Variants in LPA observed in about 807,000 individuals in gnomAD.
LPA encodes lipoprotein(a).
LPA carries 199 observed loss-of-function variants against 197.9 expected under a neutral mutation model. The ratio of observed to expected loss-of-function variants is 1.01; its 90% CI spans 0.90 to 1.13. LPA has a LOEUF of 1.13. Among genes scored for constraint, LPA ranks in the 50% most tolerant of loss-of-function variants. The pLI is 0.00. For missense variants in LPA, 1,853 were observed against 1,785.8 expected (o/e 1.04, Z -0.68); for synonymous variants, 715 against 639.5 (o/e 1.12, Z -1.78).
chr6:160,559,298 T>C (rs6415084), intron 28 of LPA, among the ~76,000 whole-genome samples: 87,438 of 152,116 alleles, frequency 0.57, 25,635 homozygotes, highest in East Asian at 0.89. Context: ...ATACAGAATA[T>C]ACATGGCTTC....
intron 24 of LPA, among the ~76,000 whole-genome samples, chr6:160,588,761 G>A (rs1032651584): frequency 3.3e-5 from 5 of 152,026 alleles, no homozygotes; most frequent in Non-Finnish European, 7.4e-5. Flanking sequence ...TGGTCAGCTG[G>A]GCTCCATCTG....
chr6:160,558,065 G>T (rs560694853), intron 28 of LPA, among the ~76,000 whole-genome samples: 12 of 151,884 alleles, frequency 7.9e-5, no homozygotes, highest in African/African-American at 2.9e-4. Flanking sequence ...GACTACAGGC[G>T]CCCGCCACCA....
intron 28 of LPA, among the ~76,000 whole-genome samples, chr6:160,570,474 G>A (rs554391151): frequency 3.7e-4 from 57 of 152,234 alleles, no homozygotes; most frequent in Non-Finnish European, 6.0e-4. Context: ...ATCACACACC[G>A]GGGCCTGTCA....
At chr6:160,550,546 G>A (rs1279965179) in intron 30 of LPA, among the ~76,000 whole-genome samples, 1 of 152,194 alleles carries the variant, frequency 6.6e-6, no homozygotes, top group African/African-American at 2.4e-5. Context: ...ATATTTTCAT[G>A]TATAGTCAAA....
intron 26 of LPA, among the ~76,000 whole-genome samples, chr6:160,580,992 G>A (rs553124072): frequency 2.0e-4 from 31 of 151,478 alleles, no homozygotes; most frequent in African/African-American, 7.5e-4. Flanking sequence ...CCTTCTCCAA[G>A]GTTATAAGAT....
At chr6:160,649,178 T>C (rs1779959619) in intron 2 of LPA, among the ~76,000 whole-genome samples, 1 of 152,162 alleles carries the variant, frequency 6.6e-6, no homozygotes, top group African/African-American at 2.4e-5. Flanking sequence ...AAGTATGGCT[T>C]TTCCTGGGTC....
intron 1 of LPA, among the ~76,000 whole-genome samples, chr6:160,652,721 T>C (rs1249860747): frequency 6.6e-6 from 1 of 152,108 alleles, no homozygotes; most frequent in Non-Finnish European, 1.5e-5. Flanking sequence ...TTATGAGAGC[T>C]ATAACATAAT....
At chr6:160,603,298 G>T (rs977839753) in intron 18 of LPA, among the ~76,000 whole-genome samples, 1 of 151,756 alleles carries the variant, frequency 6.6e-6, no homozygotes, top group East Asian at 1.9e-4. Flanking sequence ...GTGAGTATGT[G>T]TGTATATGTG....
chr6:160,546,440 G>C (rs1778073028), intron 32 of LPA, among the ~76,000 whole-genome samples: 1 of 152,114 alleles, frequency 6.6e-6, no homozygotes, highest in South Asian at 2.1e-4. Flanking sequence ...CTGTTCACCA[G>C]GATCCTTTTT....
chr6:160,583,587 T>C (rs1778840161), intron 26 of LPA, among the ~76,000 whole-genome samples: 1 of 152,144 alleles, frequency 6.6e-6, no homozygotes, highest in African/African-American at 2.4e-5. Context: ...CAGCAGTTGT[T>C]CTTTCCCCAG....
chr6:160,582,640 T>G (rs574983431), intron 26 of LPA, among the ~76,000 whole-genome samples: 3 of 152,132 alleles, frequency 2.0e-5, no homozygotes, highest in Admixed American at 6.6e-5. Context: ...TATGGACAAT[T>G]TAATTATGAT....
At chr6:160,578,224 A>G (rs145606703) in intron 27 of LPA, among the ~76,000 whole-genome samples, 1 of 152,250 alleles carries the variant, frequency 6.6e-6, no homozygotes, top group East Asian at 1.9e-4. Flanking sequence ...AGGCTGTTAG[A>G]ATATCCATTT....
chr6:160,567,422 A>C (rs1778477274), intron 28 of LPA, among the ~76,000 whole-genome samples: 1 of 152,258 alleles, frequency 6.6e-6, no homozygotes, highest in African/African-American at 2.4e-5. Flanking sequence ...TGAAGGCAGA[A>C]ATAAAGATAT....
intron 2 of LPA, among the ~76,000 whole-genome samples, chr6:160,647,473 C>A (rs998939367): frequency 6.6e-6 from 1 of 152,196 alleles, no homozygotes; most frequent in African/African-American, 2.4e-5. Flanking sequence ...GTGGCCTAGT[C>A]TCAGTCCCAG....
chr6:160,566,696 A>C (rs7739883), intron 28 of LPA, among the ~76,000 whole-genome samples: 62,632 of 151,980 alleles, frequency 0.41, 13,839 homozygotes, highest in African/African-American at 0.58. Flanking sequence ...CACAGACTGG[A>C]AAATTGGATA....
chr6:160,586,332 C>T, intron 25 of LPA, 117 bp downstream of exon 25: 14 of 1,241,208 alleles, frequency 1.1e-5, no homozygotes, highest in Non-Finnish European at 1.5e-5. Flanking sequence ...CATTGGCTGT[C>T]CATGACTTCA....
rs766244684 is a variant in LPA, at chr6:160,578,708, C to A, written c.4290-4G>T. On this transcript the variant is annotated splice_region_variant and splice_polypyrimidine_tract_variant and intron_variant, in intron 26 of 38. Transcript: ENST00000316300. ...GCAGTAGTTCCTGGTCAGGCCACTGCAAATTTCAAAACAACACAGGTCACC... is the reference window on the plus strand; with the variant it reads ...GCAGTAGTTCCTGGTCAGGCCACTGAAAATTTCAAAACAACACAGGTCACC... 1.2e-6 allele frequency: 2 copies of A among 1,613,706 alleles called. No homozygotes were observed. Among genetic ancestry groups the A allele is most frequent in the East Asian group, 4.5e-5 (2 of 44,844 alleles).
chr6:160,570,351 T>C (rs1315735912), intron 28 of LPA, among the ~76,000 whole-genome samples: 2 of 152,164 alleles, frequency 1.3e-5, no homozygotes, highest in African/African-American at 4.8e-5. Flanking sequence ...TGGATGAAGC[T>C]GGAAACCATC....
chr6:160,569,233 A>G (rs1404583345), intron 28 of LPA, among the ~76,000 whole-genome samples: 2 of 152,232 alleles, frequency 1.3e-5, no homozygotes, highest in Admixed American at 6.5e-5. Flanking sequence ...TTCAAACTAC[A>G]TTACAAGGCT....
Sources: gnomAD v4.1 joint callset for allele counts (sites outside exome capture counted in the v4.1 genomes callset) on GRCh38, gnomAD v4.1.1 for gene constraint, MANE v1.5 for transcripts, NCBI Gene and HGNC (gene_info 2026-07-23, HGNC 2026-07-21) for gene names.